Variants in SNX29 observed in about 807,000 individuals in gnomAD.
SNX29 encodes the protein sorting nexin-29.
Under a neutral mutation model 102.1 loss-of-function variants are expected in SNX29, and 78 were observed. The ratio of observed to expected loss-of-function variants is 0.76; its 90% CI spans 0.64 to 0.92. SNX29 has a LOEUF of 0.92. Ranked by LOEUF, SNX29 falls within the 40% of genes least tolerant of loss-of-function variation. SNX29 has a pLI of 0.00. For missense variants in SNX29, 1,280 were observed against 1,061.7 expected (o/e 1.21, Z -2.86); for synonymous variants, 580 against 414.5 (o/e 1.40, Z -4.85).
intron 15 of SNX29, among the ~76,000 whole-genome samples, chr16:12,315,362 GCT>G (rs1457301404): frequency 2.0e-5 from 3 of 152,174 alleles, no homozygotes; most frequent in African/African-American, 7.2e-5. Context: ...TAACGCCTCT[GCT>G]TCCAGCCCTC....
At chr16:12,110,792 C>A (rs2053471563) in intron 11 of SNX29, among the ~76,000 whole-genome samples, 1 of 152,044 alleles carries the variant, frequency 6.6e-6, no homozygotes, top group African/African-American at 2.4e-5. Flanking sequence ...AGGAAACAAA[C>A]CTGATTATTA....
At chr16:12,136,861 T>C (rs1037867944) in intron 13 of SNX29, among the ~76,000 whole-genome samples, 2 of 152,170 alleles carry the variant, frequency 1.3e-5, no homozygotes, top group African/African-American at 4.8e-5. Flanking sequence ...TGCTTCAGTC[T>C]CCTGAGTAGC....
chr16:12,294,491 C>A (rs1283084173), intron 15 of SNX29, among the ~76,000 whole-genome samples: 1 of 152,152 alleles, frequency 6.6e-6, no homozygotes, highest in Non-Finnish European at 1.5e-5. Flanking sequence ...CTCACCCTGT[C>A]TACTCCCAGG....
intron 15 of SNX29, among the ~76,000 whole-genome samples, chr16:12,330,560 C>T (rs1231350020): frequency 6.6e-6 from 1 of 152,202 alleles, no homozygotes; most frequent in Non-Finnish European, 1.5e-5. Context: ...AGGTGGTCAC[C>T]ATTGTCACCT....
intron 13 of SNX29, among the ~76,000 whole-genome samples, chr16:12,158,141 C>T (rs1263023481): frequency 2.0e-5 from 3 of 151,894 alleles, no homozygotes; most frequent in African/African-American, 7.3e-5. Flanking sequence ...TGCAGTGGCG[C>T]CATCATGGCT....
At chr16:12,550,509 T>G (rs1441125736) in intron 20 of SNX29, among the ~76,000 whole-genome samples, 2 of 142,698 alleles carry the variant, frequency 1.4e-5, no homozygotes, top group Admixed American at 7.4e-5. Context: ...CATTCCAGTC[T>G]GGGAGACACA....
chr16:12,537,932 C>T (rs1308112181), intron 20 of SNX29, among the ~76,000 whole-genome samples: 1 of 149,380 alleles, frequency 6.7e-6, no homozygotes, highest in African/African-American at 2.5e-5. Context: ...TTGCAGTGAG[C>T]TGAGATCGTG....
intron 9 of SNX29, among the ~76,000 whole-genome samples, chr16:12,062,523 C>T (rs993575089): frequency 2.6e-5 from 4 of 152,076 alleles, no homozygotes; most frequent in East Asian, 1.9e-4. Flanking sequence ...ATGGGGAGGA[C>T]GTGGTTGATC....
chr16:12,568,474 G>T lies in SNX29; in HGVS notation c.2319-32G>T, dbSNP rs1268852316. 3.7e-6 allele frequency: 6 copies of T among 1,606,624 alleles called. No homozygotes were observed. The East Asian group carries it at 8.9e-5, about 24-fold the overall frequency. On this transcript the variant is annotated intron_variant, in intron 20 of 20. Coordinates refer to ENST00000566228, the MANE Select transcript of SNX29 (RefSeq NM_032167.5). The stretch of plus-strand genomic sequence containing the variant: ...TGTGGTCATTTGCTTTTCATCCCCA[G>T]ACTTAACCCGATTCTCTCCCTGCTC...
At chr16:11,976,960 G>A in intron 1 of SNX29, 147 bp downstream of exon 1, 1 of 1,088,612 alleles carries the variant, frequency 9.2e-7, no homozygotes. Context: ...CTGGCCCCCA[G>A]GACTCCCGGC....
chr16:12,443,175 C>T (rs1339150745), intron 18 of SNX29: 2 of 374,804 alleles, frequency 5.3e-6, no homozygotes, highest in African/African-American at 2.1e-5. Flanking sequence ...CTGTCATGCT[C>T]CTTCCTATGG....
chr16:12,394,200 T>C (rs2083638458), intron 16 of SNX29, among the ~76,000 whole-genome samples: 1 of 152,244 alleles, frequency 6.6e-6, no homozygotes, highest in Non-Finnish European at 1.5e-5. Context: ...TCTGGAGCTA[T>C]TGAGTCCTTT....
At chr16:12,153,461 CAA>C (rs367696237) in intron 13 of SNX29, among the ~76,000 whole-genome samples, 1 of 140,510 alleles carries the variant, frequency 7.1e-6, no homozygotes, top group African/African-American at 2.6e-5. Context: ...ATCTTTGTCT[CAA>C]AAAAAAAAAC....
Position 12,569,625 on chromosome 16 carries a change from T to C in SNX29, c.*996T>C, listed in dbSNP as rs534366083. ...GACATTGTCCTTGATAACAGAACTCTGCATCCCCTAAGACAGAGTCCTCTG... is the reference window on the plus strand; with the variant it reads ...GACATTGTCCTTGATAACAGAACTCCGCATCCCCTAAGACAGAGTCCTCTG... On this transcript the variant is annotated 3_prime_UTR_variant, in exon 21 of 21. Coordinates refer to ENST00000566228, the MANE Select transcript of SNX29 (RefSeq NM_032167.5). 3 of 174,376 alleles carry C rather than the reference T, an allele frequency of 1.7e-5. No individual in the cohort carries two copies. Among genetic ancestry groups the C allele is most frequent in the African/African-American group, 3.8e-5 (1 of 26,168 alleles). The allele number at this position is 174,376 out of a possible 1,614,324, so 10.8% of individuals were successfully genotyped here. A position where few individuals can be genotyped will look rare whatever the true frequency, so the allele number is the denominator to read the frequency against.
At chr16:12,523,370 T>C (rs988296389) in intron 19 of SNX29, among the ~76,000 whole-genome samples, 1 of 152,220 alleles carries the variant, frequency 6.6e-6, no homozygotes, top group African/African-American at 2.4e-5. Context: ...AATGACCCCG[T>C]TCCTCCACTG....
intron 11 of SNX29, among the ~76,000 whole-genome samples, chr16:12,120,757 G>A (rs1045381992): frequency 6.6e-6 from 1 of 152,194 alleles, no homozygotes; most frequent in Non-Finnish European, 1.5e-5. Context: ...GGTCACTGCC[G>A]AGAAAGGAGG....
chr16:12,301,462 C>T (rs567391399), intron 15 of SNX29, among the ~76,000 whole-genome samples: 50 of 152,340 alleles, frequency 3.3e-4, no homozygotes, highest in Admixed American at 2.7e-3. Flanking sequence ...TGGCTGGCTT[C>T]GTGTCCTCCC....
chr16:12,247,781 C>T (rs1224958872), intron 14 of SNX29, among the ~76,000 whole-genome samples: 2 of 152,170 alleles, frequency 1.3e-5, no homozygotes, highest in Non-Finnish European at 2.9e-5. Context: ...ATGGCATTCT[C>T]AGGAAGTACT....
Position 12,368,809 on chromosome 16 carries a change from AGCG to A in SNX29, c.1899+12533_1899+12535del, listed in dbSNP as rs1255509671. On this transcript the variant is annotated intron_variant, in intron 16 of 20. Coordinates refer to ENST00000566228, the MANE Select transcript of SNX29 (RefSeq NM_032167.5). ...GTCACCTGCAGGAGAAGTGACAGGCAGCGGCCACCAGGATTCTCCTGGGGCTCA... is the reference window on the plus strand; with the variant it reads ...GTCACCTGCAGGAGAAGTGACAGGCAGCCACCAGGATTCTCCTGGGGCTCA... 5.9e-5 allele frequency among the ~76,000 whole-genome samples: 9 copies of A among 152,358 alleles called. No individual in the cohort carries two copies. The East Asian group carries it at 1.5e-3, about 26-fold the overall frequency.
Sources: allele counts gnomAD v4.1 joint callset (sites outside exome capture counted in the v4.1 genomes callset), GRCh38; gene constraint gnomAD v4.1.1; transcripts MANE v1.5; gene names NCBI Gene and HGNC (gene_info 2026-07-23, HGNC 2026-07-21).